The following OPCML variants were observed in gnomAD, a reference collection of about 807,000 sequenced individuals.
OPCML encodes the protein opioid binding protein/cell adhesion molecule like.
A neutral mutation model predicts 37.8 loss-of-function variants in OPCML; 13 were observed. The observed-to-expected ratio is 0.34, with a 90% CI of 0.22 to 0.55. The LOEUF (loss-of-function observed/expected upper bound fraction) is 0.55. Among genes scored for constraint, OPCML ranks in the 20% least tolerant of loss-of-function variants. OPCML has a pLI of 0.91. For missense variants in OPCML, 341 were observed against 435.6 expected, an observed-to-expected ratio of 0.78 and a Z score of 1.93; for synonymous variants, 176 against 168.8, an observed-to-expected ratio of 1.04 and a Z score of -0.33.
At chr11:132,951,371 T>C (rs1240772443) in intron 1 of OPCML, among the ~76,000 whole-genome samples, 2 of 152,176 alleles carry the variant, frequency 1.3e-5, no homozygotes, top group African/African-American at 4.8e-5. Context: ...GACAGCTACC[T>C]TCTCGCTCTG....
chr11:133,302,695 T>C (rs1276595935), intron 1 of OPCML: 2 of 152,200 alleles, frequency 1.3e-5, no homozygotes, highest in South Asian at 2.1e-4. Flanking sequence ...TGGTTTAAAA[T>C]ACATGTTATA....
At chr11:133,036,806 G>A (rs1032220220) in intron 1 of OPCML, among the ~76,000 whole-genome samples, 1 of 152,204 alleles carries the variant, frequency 6.6e-6, no homozygotes, top group Non-Finnish European at 1.5e-5. Context: ...ATGGTGAGGT[G>A]GGGAATGGGA....
At chr11:133,358,787 C>T (rs1037865240) in intron 1 of OPCML, among the ~76,000 whole-genome samples, 1 of 151,920 alleles carries the variant, frequency 6.6e-6, no homozygotes, top group African/African-American at 2.4e-5. Flanking sequence ...GGCATTTGAG[C>T]AGAGCCCTGA....
intron 1 of OPCML, among the ~76,000 whole-genome samples, chr11:133,036,130 CAA>C (rs1353971221): frequency 6.6e-6 from 1 of 152,058 alleles, no homozygotes; most frequent in African/African-American, 2.4e-5. Flanking sequence ...CTTAAAATGT[CAA>C]AGTGAAATAA....
At chr11:133,342,497 T>A (rs1364721218) in intron 1 of OPCML, among the ~76,000 whole-genome samples, 1 of 152,144 alleles carries the variant, frequency 6.6e-6, no homozygotes, top group Non-Finnish European at 1.5e-5. Context: ...GAAAGATTGA[T>A]CAAAGTGATG....
At chr11:133,418,196 G>C in intron 1 of OPCML, 1 of 985,352 alleles carries the variant, frequency 1.0e-6, no homozygotes, top group Non-Finnish European at 1.2e-6. Flanking sequence ...CAGGGTCTTC[G>C]GGTTTCCACC....
At chr11:133,524,786 C>T (rs188696888) in intron 1 of OPCML, among the ~76,000 whole-genome samples, 2 of 152,282 alleles carry the variant, frequency 1.3e-5, no homozygotes, top group East Asian at 1.9e-4. Flanking sequence ...TGCACATTCC[C>T]GTCTCTCAGA....
chr11:133,141,277 T>G (rs1209476716), intron 1 of OPCML, among the ~76,000 whole-genome samples: 4 of 151,976 alleles, frequency 2.6e-5, no homozygotes, highest in Non-Finnish European at 5.9e-5. Flanking sequence ...ATCCTTACTC[T>G]TGTTTCCAGA....
At chr11:133,498,251 C>T (rs897860857) in intron 1 of OPCML, among the ~76,000 whole-genome samples, 40 of 152,290 alleles carry the variant, frequency 2.6e-4, no homozygotes, top group African/African-American at 8.2e-4. Context: ...GGCTTCCCTG[C>T]GTTTTCTGCT....
At chr11:132,745,718 T>C (rs1401155189) in intron 2 of OPCML, among the ~76,000 whole-genome samples, 1 of 151,984 alleles carries the variant, frequency 6.6e-6, no homozygotes, top group Non-Finnish European at 1.5e-5. Flanking sequence ...CTATTTCACG[T>C]TGAATGTGTG....
intron 4 of OPCML, among the ~76,000 whole-genome samples, chr11:132,475,869 T>C (rs1271591691): frequency 1.3e-5 from 2 of 152,204 alleles, no homozygotes; most frequent in African/African-American, 2.4e-5. Flanking sequence ...AACAGGTATA[T>C]ATACAGATAT....
At chr11:132,483,686 C>A (rs2096188962) in intron 4 of OPCML, among the ~76,000 whole-genome samples, 2 of 152,034 alleles carry the variant, frequency 1.3e-5, no homozygotes, top group Admixed American at 6.6e-5. Context: ...GCTACAGTAA[C>A]CAAAACAGCA....
rs1279899102 is a variant in OPCML at position 133,006,890 on chromosome 11, T to C, written c.62-63880A>G. On this transcript the variant is annotated intron_variant, in intron 1 of 7. Transcript: ENST00000524381. ...GAATGCAGTAGGCTCATGCTATACC[T>C]GTCATGGGGCCACCTAGGCTGGTGT... is the stretch of plus-strand genomic sequence containing the variant. 2.6e-5 allele frequency: 26 copies of C among 985,342 alleles called. No individual in the cohort carries two copies. The South Asian group carries it at 9.4e-4, about 36-fold the overall frequency. The allele number at this position is 985,342 out of a possible 1,614,324, so 61.0% of individuals were successfully genotyped here. A position where few individuals can be genotyped will look rare whatever the true frequency, so the allele number is the denominator to read the frequency against.
intron 1 of OPCML, chr11:133,439,199 G>T: frequency 1.3e-6 from 1 of 775,482 alleles, no homozygotes; most frequent in Non-Finnish European, 1.6e-6. Context: ...GTGGGACTGA[G>T]CCCTTAACCT....
At chr11:132,694,247 G>T (rs1943520420) in intron 2 of OPCML, among the ~76,000 whole-genome samples, 1 of 134,662 alleles carries the variant, frequency 7.4e-6, no homozygotes, top group Non-Finnish European at 1.5e-5. Context: ...TCATCAGGCT[G>T]GAGTGCAGTG....
At chr11:132,817,807 G>A (rs1346523950) in intron 2 of OPCML, among the ~76,000 whole-genome samples, 4 of 151,824 alleles carry the variant, frequency 2.6e-5, no homozygotes, top group Non-Finnish European at 5.9e-5. Context: ...GTACTTATCA[G>A]GATGAAATAC....
At chr11:132,915,724 A>G (rs1349806946) in intron 2 of OPCML, among the ~76,000 whole-genome samples, 2 of 152,216 alleles carry the variant, frequency 1.3e-5, no homozygotes, top group Non-Finnish European at 2.9e-5. Context: ...CTGATAACTC[A>G]TAAGGTTCAG....
intron 7 of OPCML, among the ~76,000 whole-genome samples, chr11:132,425,619 C>T (rs141607501): frequency 2.9e-3 from 441 of 152,280 alleles, no homozygotes; most frequent in Middle Eastern, 0.017. Flanking sequence ...GCAAGAATTG[C>T]TAATCCATAA....
At chr11:132,666,269 G>A (rs1343389951) in intron 2 of OPCML, among the ~76,000 whole-genome samples, 1 of 152,156 alleles carries the variant, frequency 6.6e-6, no homozygotes, top group East Asian at 1.9e-4. Flanking sequence ...TCCAATCATA[G>A]CAGAAGGGAA....
Sources: gnomAD v4.1 joint callset for allele counts (sites outside exome capture counted in the v4.1 genomes callset) on GRCh38, gnomAD v4.1.1 for gene constraint, MANE v1.5 for transcripts, NCBI Gene and HGNC (gene_info 2026-07-23, HGNC 2026-07-21) for gene names.